BAZ1A: variants seen among roughly 807,000 people sequenced by gnomAD.
The protein encoded by BAZ1A is bromodomain adjacent to zinc finger domain 1A.
Under a neutral mutation model 185.2 loss-of-function variants are expected in BAZ1A, and 50 were observed. That is an observed-to-expected ratio of 0.27 (90% confidence interval 0.22 to 0.34). The LOEUF is 0.34. BAZ1A is among the 10% of genes least tolerant of loss of function. The pLI, the probability that BAZ1A is intolerant of heterozygous loss-of-function variation, is 1.00. For synonymous variants in BAZ1A, 571 were observed against 615.6 expected, an observed-to-expected ratio of 0.93 and a Z score of 1.07; for missense variants, 1,356 against 1,839.9, an observed-to-expected ratio of 0.74 and a Z score of 4.81.
intron 3 of BAZ1A, among the ~76,000 whole-genome samples, chr14:34,844,304 G>C (rs984321925): frequency 2.0e-5 from 3 of 151,208 alleles, no homozygotes; most frequent in Non-Finnish European, 2.9e-5. Context: ...AAAATACTTA[G>C]GAATAAATTT....
intron 6 of BAZ1A, among the ~76,000 whole-genome samples, chr14:34,806,607 C>CT (rs1881867998): frequency 6.6e-6 from 1 of 152,114 alleles, no homozygotes; most frequent in African/African-American, 2.4e-5. Context: ...TAAAAAATTA[C>CT]TTTGAGTTTT....
chr14:34,783,366 A>G (rs1880175609), intron 15 of BAZ1A, 134 bp from the exon 16 acceptor site: 1 of 516,998 alleles, frequency 1.9e-6, no homozygotes, highest in Non-Finnish European at 3.2e-6. Flanking sequence ...ATCATTCATA[A>G]GCTTTTTTTT....
At chr14:34,792,295 G>A (rs908747727) in intron 12 of BAZ1A, among the ~76,000 whole-genome samples, 3 of 151,864 alleles carry the variant, frequency 2.0e-5, no homozygotes, top group Non-Finnish European at 4.4e-5. Context: ...TGAGGCAGGA[G>A]AATTGCTCGA....
At chr14:34,832,690 G>A (rs8019856) in intron 3 of BAZ1A, among the ~76,000 whole-genome samples, 88,221 of 151,948 alleles carry the variant, frequency 0.58, 25,834 homozygotes, top group South Asian at 0.67. Context: ...GAATGTAGAG[G>A]AAATGGAACA....
At chr14:34,781,504 A>C (rs1004605403) in intron 16 of BAZ1A, among the ~76,000 whole-genome samples, 7 of 148,492 alleles carry the variant, frequency 4.7e-5, no homozygotes, top group Non-Finnish European at 7.4e-5. Flanking sequence ...GTCATACAAC[A>C]TGTGATCTTT....
intron 14 of BAZ1A, 138 bp from the exon 15 acceptor site, chr14:34,784,065 TC>T: frequency 2.5e-6 from 2 of 797,160 alleles, no homozygotes; most frequent in Non-Finnish European, 3.7e-6. Context: ...CAATGACATG[TC>T]TTCAGGAAAA....
At chr14:34,818,966 C>T (rs1028322200) in intron 4 of BAZ1A, among the ~76,000 whole-genome samples, 5 of 151,482 alleles carry the variant, frequency 3.3e-5, no homozygotes, top group African/African-American at 1.2e-4. Context: ...CCGGTGAAAC[C>T]CCATCTCTAC....
intron 4 of BAZ1A, among the ~76,000 whole-genome samples, chr14:34,822,939 A>C (rs1211339258): frequency 6.6e-6 from 1 of 152,198 alleles, no homozygotes; most frequent in Non-Finnish European, 1.5e-5. Context: ...CTCATGTTCA[A>C]ATCTAAAAAA....
intron 12 of BAZ1A, among the ~76,000 whole-genome samples, chr14:34,789,425 C>T (rs1880701046): frequency 6.6e-6 from 1 of 152,098 alleles, no homozygotes; most frequent in African/African-American, 2.4e-5. Context: ...CTGTAAATAT[C>T]ATTCTAGGAT....
intron 3 of BAZ1A, among the ~76,000 whole-genome samples, chr14:34,854,930 T>G (rs2042652383): frequency 6.6e-6 from 1 of 152,078 alleles, no homozygotes; most frequent in African/African-American, 2.4e-5. Context: ...TGATACAAAA[T>G]TAGCTGGGCT....
At chr14:34,793,894 A>G (rs768656724) in intron 11 of BAZ1A, among the ~76,000 whole-genome samples, 1 of 152,064 alleles carries the variant, frequency 6.6e-6, no homozygotes, top group Non-Finnish European at 1.5e-5. Context: ...GTGAGCCAAG[A>G]TCACGCCACT....
chr14:34,753,411 G>T lies in BAZ1A; in HGVS notation c.*97C>A. 1 of 1,196,866 alleles carries T rather than the reference G, an allele frequency of 8.4e-7. No individual in the cohort carries two copies. The highest frequency in any genetic ancestry group is 2.1e-5 in the Admixed American group (1 of 48,114). 74.1% of individuals were successfully genotyped at this position (1,196,866 alleles called of 1,614,324 possible). ...TATAGTGCAGGCCACACTTTCATGT[G>T]GTCAATCAATTGTTATTGCTTTATA... On this transcript the variant is annotated 3_prime_UTR_variant, in exon 27 of 27. Coordinates refer to ENST00000360310, the MANE Select transcript of BAZ1A (RefSeq NM_013448.3).
intron 24 of BAZ1A, 102 bp downstream of exon 24, chr14:34,761,655 C>T: frequency 9.6e-7 from 1 of 1,038,172 alleles, no homozygotes; most frequent in African/African-American, 1.6e-5. Flanking sequence ...CTTTGTGTAT[C>T]TTAGTGACAG....
In BAZ1A at chr14:34,832,215, C is replaced by CACACACACACACACACATATATAT; in HGVS notation, c.393-6060_393-6059insATATATATGTGTGTGTGTGTGTGT. Among the ~76,000 whole-genome samples the CACACACACACACACACATATATAT allele has an allele frequency of 1.1e-3, 103 of 89,700 alleles. 2 individuals are homozygous for CACACACACACACACACATATATAT. The highest frequency in any genetic ancestry group is 3.9e-3 in the South Asian group (8 of 2,034). 58.8% of individuals were successfully genotyped at this position (89,700 alleles called of 152,430 possible). ...ATACACACACACACACACACACACA[C>CACACACACACACACACATATATAT]ATATATATATATATATGTATGTATG... On this transcript the variant is annotated intron_variant, in intron 3 of 26. Coordinates refer to ENST00000360310, the MANE Select transcript of BAZ1A (RefSeq NM_013448.3).
At chr14:34,814,399 G>T (rs933808147) in intron 4 of BAZ1A, among the ~76,000 whole-genome samples, 13 of 152,006 alleles carry the variant, frequency 8.6e-5, no homozygotes, top group African/African-American at 2.9e-4. Flanking sequence ...AAACCAAGAT[G>T]TGAGTAGCAA....
intron 4 of BAZ1A, among the ~76,000 whole-genome samples, chr14:34,824,373 C>CT (rs1371317186): frequency 1.4e-4 from 3 of 22,116 alleles, no homozygotes; most frequent in Non-Finnish European, 2.0e-4. Flanking sequence ...GACTCCATCT[C>CT]TTTAAAAAAA....
intron 23 of BAZ1A, among the ~76,000 whole-genome samples, chr14:34,764,136 A>C (rs967465015): frequency 6.6e-6 from 1 of 152,126 alleles, no homozygotes; most frequent in Non-Finnish European, 1.5e-5. Context: ...CCAGGTGCTA[A>C]TGTGGCAGAA....
chr14:34,805,086 G>A (rs866064886), intron 6 of BAZ1A, among the ~76,000 whole-genome samples: 27 of 152,086 alleles, frequency 1.8e-4, no homozygotes, highest in African/African-American at 5.3e-4. Context: ...CCCACTTCAC[G>A]CTGTCTCCTG....
At chr14:34,830,992 C>G (rs1192968699) in intron 3 of BAZ1A, among the ~76,000 whole-genome samples, 1 of 152,012 alleles carries the variant, frequency 6.6e-6, no homozygotes, top group Non-Finnish European at 1.5e-5. Flanking sequence ...AACTCTTATG[C>G]AATCCTGGGG....
Sources: allele counts gnomAD v4.1 joint callset (sites outside exome capture counted in the v4.1 genomes callset), GRCh38; gene constraint gnomAD v4.1.1; transcripts MANE v1.5; gene names NCBI Gene and HGNC (gene_info 2026-07-23, HGNC 2026-07-21).